The following XYLT1 variants were observed in gnomAD, a reference collection of about 807,000 sequenced individuals.
The protein encoded by XYLT1 is beta-D-xylosyltransferase 1.
In XYLT1, 36 loss-of-function variants were observed where a neutral mutation model predicts 91.3. That is an observed-to-expected ratio of 0.39 (90% confidence interval 0.30 to 0.52). The LOEUF is 0.52. Among genes scored for constraint, XYLT1 ranks in the 20% least tolerant of loss-of-function variants. XYLT1 has a pLI of 0.68. For missense variants in XYLT1, 1,242 were observed against 1,284.5 expected, an observed-to-expected ratio of 0.97 and a Z score of 0.51; for synonymous variants, 588 against 532.0, an observed-to-expected ratio of 1.11 and a Z score of -1.45.
intron 2 of XYLT1, among the ~76,000 whole-genome samples, chr16:17,285,324 A>G (rs537690013): frequency 3.9e-5 from 6 of 152,324 alleles, no homozygotes; most frequent in Non-Finnish European, 8.8e-5. Flanking sequence ...AGTCTGGTAA[A>G]CCAGGATAAA....
At chr16:17,325,805 A>G (rs2141833805) in intron 2 of XYLT1, among the ~76,000 whole-genome samples, 1 of 152,330 alleles carries the variant, frequency 6.6e-6, no homozygotes, top group South Asian at 2.1e-4. Context: ...TGGGAGAAAG[A>G]GGATAATGAG....
At chr16:17,318,851 G>A (rs532783057) in intron 2 of XYLT1, among the ~76,000 whole-genome samples, 85 of 149,548 alleles carry the variant, frequency 5.7e-4, no homozygotes, top group East Asian at 5.3e-3. Context: ...GCAGTGGCAC[G>A]ATCTCAGCTC....
chr16:17,458,391 A>G (rs927983047), intron 1 of XYLT1, among the ~76,000 whole-genome samples: 2 of 152,186 alleles, frequency 1.3e-5, no homozygotes, highest in African/African-American at 4.8e-5. Flanking sequence ...TGCACAGTGA[A>G]TCCAAAAGAC....
chr16:17,430,560 G>A (rs946318663), intron 1 of XYLT1, among the ~76,000 whole-genome samples: 15 of 152,164 alleles, frequency 9.9e-5, no homozygotes, highest in African/African-American at 3.6e-4. Context: ...CCCATTCCTG[G>A]AGGGGCCCCC....
chr16:17,165,920 G>C (rs1471216553), intron 5 of XYLT1, among the ~76,000 whole-genome samples: 3 of 152,194 alleles, frequency 2.0e-5, no homozygotes, highest in African/African-American at 7.2e-5. Flanking sequence ...AAACTACACG[G>C]AATGAGACTT....
chr16:17,431,985 C>T (rs1286210670), intron 1 of XYLT1, among the ~76,000 whole-genome samples: 1 of 152,120 alleles, frequency 6.6e-6, no homozygotes, highest in African/African-American at 2.4e-5. Context: ...ATCAAGGCCC[C>T]AGTGAGGGTC....
At chr16:17,285,486 T>G (rs945320412) in intron 2 of XYLT1, among the ~76,000 whole-genome samples, 1 of 152,176 alleles carries the variant, frequency 6.6e-6, no homozygotes, top group Non-Finnish European at 1.5e-5. Context: ...CTTTGATCCT[T>G]CCTGCCCCAT....
chr16:17,324,721 T>C lies in XYLT1; in HGVS notation c.402+33291A>G, dbSNP rs567575312. Among the ~76,000 whole-genome samples the C allele has an allele frequency of 8.5e-5, 13 of 152,322 alleles. No homozygotes were observed. The East Asian group carries it at 2.1e-3, about 25-fold the overall frequency. On this transcript the variant is annotated intron_variant, in intron 2 of 11. Coordinates refer to ENST00000261381, the MANE Select transcript of XYLT1 (RefSeq NM_022166.4). ...TTGGGAATAAACATAATCAGATTCA[T>C]AGGATTCTATTTAATGTGCACCACA...
chr16:17,214,994 A>G (rs1250690056), intron 3 of XYLT1, among the ~76,000 whole-genome samples: 2 of 152,128 alleles, frequency 1.3e-5, no homozygotes, highest in East Asian at 1.9e-4. Context: ...CCGAAAATTA[A>G]TATGTTGAAG....
At chr16:17,423,140 C>T (rs1023055367) in intron 1 of XYLT1, among the ~76,000 whole-genome samples, 3 of 149,454 alleles carry the variant, frequency 2.0e-5, no homozygotes, top group Admixed American at 6.6e-5. Context: ...ATCCTGGACA[C>T]CTCGCTGGGC....
chr16:17,353,437 G>C (rs1248013488), intron 2 of XYLT1, among the ~76,000 whole-genome samples: 1 of 152,322 alleles, frequency 6.6e-6, no homozygotes, highest in African/African-American at 2.4e-5. Context: ...ATGATCAACT[G>C]TCTTGGGGAT....
At chr16:17,273,540 G>A (rs570427953) in intron 2 of XYLT1, among the ~76,000 whole-genome samples, 1 of 152,262 alleles carries the variant, frequency 6.6e-6, no homozygotes, top group African/African-American at 2.4e-5. Flanking sequence ...CAATTCGTCT[G>A]CACATCAAAA....
At chr16:17,355,578 A>T (rs1205280259) in intron 2 of XYLT1, among the ~76,000 whole-genome samples, 1 of 152,222 alleles carries the variant, frequency 6.6e-6, no homozygotes, top group Non-Finnish European at 1.5e-5. Context: ...GTACAGGAAC[A>T]ATATTTTCAC....
At chr16:17,172,964 G>A (rs1023525361) in intron 5 of XYLT1, among the ~76,000 whole-genome samples, 3 of 152,080 alleles carry the variant, frequency 2.0e-5, no homozygotes, top group African/African-American at 7.2e-5. Flanking sequence ...TCCCAGAGAG[G>A]TATTTACTCA....
chr16:17,470,551 T>G lies in XYLT1; in HGVS notation c.246A>C (p.Gly82=), dbSNP rs1324469444. Reference sequence around the variant, plus strand: ...GTCCTCCTCCTCCTCCGCCGCCGCCTCCTCCTCCTCCTCGGGCTGCAGCCG... The same window carrying G: ...GTCCTCCTCCTCCTCCGCCGCCGCCGCCTCCTCCTCCTCGGGCTGCAGCCG... ...AEPAAARGGG[G]GGGGGGGGRG... is the part of the protein sequence containing the mutation. The change falls in exon 1 of 12, where the codon GGA becomes GGC. Residue 82 remains glycine (G), a synonymous_variant. Transcript: ENST00000261381. The G allele has an allele frequency of 1.6e-4, 193 of 1,170,110 alleles. 1 individual carries two copies. In the East Asian group the frequency reaches 5.2e-3, roughly 31 times the overall value. 72.5% of individuals were successfully genotyped at this position (1,170,110 alleles called of 1,614,324 possible).
chr16:17,287,196 A>C (rs936630312), intron 2 of XYLT1, among the ~76,000 whole-genome samples: 1 of 151,980 alleles, frequency 6.6e-6, no homozygotes, highest in East Asian at 1.9e-4. Flanking sequence ...CCTGGCGTGG[A>C]TCTAGTTTTT....
At chr16:17,407,566 T>A (rs554411491) in intron 1 of XYLT1, among the ~76,000 whole-genome samples, 51 of 152,310 alleles carry the variant, frequency 3.3e-4, no homozygotes, top group African/African-American at 1.2e-3. Flanking sequence ...GTGCTGGGAT[T>A]ATAGGCATGA....
intron 3 of XYLT1, among the ~76,000 whole-genome samples, chr16:17,247,979 C>A (rs1171313593): frequency 6.6e-6 from 1 of 152,148 alleles, no homozygotes; most frequent in Non-Finnish European, 1.5e-5. Context: ...GGATGTGAGA[C>A]CTGCCCCCCA....
intron 2 of XYLT1, among the ~76,000 whole-genome samples, chr16:17,355,733 C>A (rs1029530617): frequency 2.4e-4 from 37 of 152,010 alleles, no homozygotes; most frequent in Admixed American, 7.2e-4. Flanking sequence ...TTTTTGAGAC[C>A]GAGTCTCACT....
Sources: gnomAD v4.1 joint callset for allele counts (sites outside exome capture counted in the v4.1 genomes callset) on GRCh38, gnomAD v4.1.1 for gene constraint, MANE v1.5 for transcripts, NCBI Gene and HGNC (gene_info 2026-07-23, HGNC 2026-07-21) for gene names.